The following DCAF12 variants were observed in gnomAD, a reference collection of about 807,000 sequenced individuals.
The protein encoded by DCAF12 is DDB1- and CUL4-associated factor 12.
Under a neutral mutation model 52.8 loss-of-function variants are expected in DCAF12, and 28 were observed. The observed-to-expected ratio is 0.53, with a 90% CI of 0.39 to 0.73. The LOEUF (loss-of-function observed/expected upper bound fraction) is 0.73. Ranked by LOEUF, DCAF12 falls within the 30% of genes least tolerant of loss-of-function variation. The probability of loss-of-function intolerance (pLI) is 0.00; values close to 1 mark genes in which losing one functional copy is unlikely to be tolerated. For synonymous variants in DCAF12, 196 were observed against 215.5 expected (o/e 0.91, Z 0.79); for missense variants, 425 against 552.2 (o/e 0.77, Z 2.31).
rs1308660097 is a variant in DCAF12, at chr9:34,126,479, C to A, written c.-48G>T. On this transcript the variant is annotated 5_prime_UTR_variant, in exon 1 of 9. Coordinates refer to ENST00000361264, the MANE Select transcript of DCAF12 (RefSeq NM_015397.4). ...CCGCAGCCACATGGGGCGGGGGAAG[C>A]GAAGGATAGCAGGACGGCGGGTCAT... The A allele has an allele frequency of 1.3e-6, 2 of 1,582,550 alleles. No homozygotes were observed. The highest frequency in any genetic ancestry group is 4.5e-5 in the East Asian group (2 of 44,218).
intron 2 of DCAF12, among the ~76,000 whole-genome samples, chr9:34,116,844 A>C (rs1829095188): frequency 6.6e-6 from 1 of 151,960 alleles, no homozygotes; most frequent in Admixed American, 6.6e-5. Flanking sequence ...AGCCGGGCAC[A>C]GTGACGGGTG....
At chr9:34,125,483 A>G (rs1829234439) in intron 1 of DCAF12, 1 of 644,704 alleles carries the variant, frequency 1.6e-6, no homozygotes. Context: ...CAAACTTACC[A>G]ATGTGAATTA....
intron 2 of DCAF12, among the ~76,000 whole-genome samples, chr9:34,124,565 A>T (rs1477937367): frequency 1.3e-5 from 2 of 152,216 alleles, no homozygotes; most frequent in Non-Finnish European, 2.9e-5. Context: ...CTCATATTTC[A>T]GTTTATACAT....
chr9:34,096,674 G>A (rs1420436236), intron 6 of DCAF12, 42 bp downstream of exon 6: 2 of 1,520,806 alleles, frequency 1.3e-6, no homozygotes, highest in Non-Finnish European at 1.8e-6. Context: ...TTAACTGTAA[G>A]GTGAATTATT....
intron 2 of DCAF12, among the ~76,000 whole-genome samples, chr9:34,119,429 C>T (rs1413987660): frequency 1.3e-5 from 2 of 152,168 alleles, no homozygotes; most frequent in African/African-American, 2.4e-5. Flanking sequence ...CTATTATCAG[C>T]AGAGACAGGA....
intron 6 of DCAF12, among the ~76,000 whole-genome samples, chr9:34,095,263 C>T (rs1485189511): frequency 1.3e-5 from 2 of 151,156 alleles, no homozygotes; most frequent in South Asian, 2.1e-4. Context: ...TTAGTAGAGA[C>T]GGGGTTTCGC....
rs774686751 is a variant in DCAF12, at chr9:34,126,385, G to A, written c.47C>T (p.Pro16Leu). The part of the protein sequence containing the change: ...VSRKRKAPAS[P>L]GAGSDAQGPQ... Reference sequence around the variant, plus strand: ...GCCCTGAGCGTCGCTCCCAGCTCCCGGCGAGGCGGGCGCTTTCCGCTTCCT... The same window carrying A: ...GCCCTGAGCGTCGCTCCCAGCTCCCAGCGAGGCGGGCGCTTTCCGCTTCCT... The change falls in exon 1 of 9, where the codon CCG becomes CTG. Residue 16 changes from proline to leucine, a missense_variant. This residue lies in a region of DCAF12 where 89 missense variants were observed against 84.9 expected (regional missense o/e 1.05). Transcript: ENST00000361264. 4.3e-6 allele frequency: 7 copies of A among 1,611,136 alleles called. No homozygotes were observed. In the South Asian group the frequency reaches 4.4e-5, roughly 10 times the overall value.
chr9:34,116,110 T>A (rs898755264), intron 2 of DCAF12, among the ~76,000 whole-genome samples: 2 of 152,126 alleles, frequency 1.3e-5, no homozygotes, highest in Non-Finnish European at 2.9e-5. Flanking sequence ...ACGCCTGTAA[T>A]CCTAGCACTT....
chr9:34,122,522 G>A (rs1240638547), intron 2 of DCAF12, among the ~76,000 whole-genome samples: 1 of 145,274 alleles, frequency 6.9e-6, no homozygotes, highest in African/African-American at 2.6e-5. Flanking sequence ...TGTTGCCCAG[G>A]CTGGAGTAGA....
intron 2 of DCAF12, among the ~76,000 whole-genome samples, chr9:34,113,177 G>A (rs778232487): frequency 8.6e-5 from 13 of 151,758 alleles, no homozygotes; most frequent in South Asian, 4.2e-4. Flanking sequence ...CAGCCTCGCC[G>A]AGTACCTGGG....
At chr9:34,105,168 G>A (rs940324383) in intron 4 of DCAF12, among the ~76,000 whole-genome samples, 14 of 151,920 alleles carry the variant, frequency 9.2e-5, no homozygotes, top group African/African-American at 3.4e-4. Context: ...CAGGGGAATC[G>A]CTCGAACCTG....
At chr9:34,122,189 C>A (rs1244091046) in intron 2 of DCAF12, among the ~76,000 whole-genome samples, 1 of 152,036 alleles carries the variant, frequency 6.6e-6, no homozygotes, top group Non-Finnish European at 1.5e-5. Context: ...CCCACACCAC[C>A]CCCCCAAAAT....
intron 2 of DCAF12, among the ~76,000 whole-genome samples, chr9:34,108,804 A>AAGAT (rs1410904584): frequency 8.5e-6 from 1 of 117,986 alleles, no homozygotes; most frequent in African/African-American, 3.0e-5. Context: ...AAAAAAAATA[A>AAGAT]ATAAATAAAT....
At chr9:34,102,838 G>C (rs1397150044) in intron 4 of DCAF12, among the ~76,000 whole-genome samples, 1 of 151,998 alleles carries the variant, frequency 6.6e-6, no homozygotes, top group Non-Finnish European at 1.5e-5. Flanking sequence ...CACTTTGGGA[G>C]GCTTAGGCAG....
Position 34,126,648 on chromosome 9 carries a change from A to C in DCAF12, c.-217T>G. The C allele has an allele frequency of 1.7e-6, 1 of 589,238 alleles. No individual in the cohort carries two copies. Among genetic ancestry groups the C allele is most frequent in the Non-Finnish European group, 2.9e-6 (1 of 342,864 alleles). 36.5% of individuals were successfully genotyped at this position (589,238 alleles called of 1,614,324 possible). On this transcript the variant is annotated 5_prime_UTR_variant, in exon 1 of 9. Transcript: ENST00000361264. Reference sequence around the variant, plus strand: ...CCGGGAAAGGGAAGGGGAAGCGAGAATGAGCGGCTTTCCGACGGCAGAGCC... The same window carrying C: ...CCGGGAAAGGGAAGGGGAAGCGAGACTGAGCGGCTTTCCGACGGCAGAGCC...
chr9:34,094,405 C>CA (rs911789462), intron 6 of DCAF12, among the ~76,000 whole-genome samples: 7 of 149,126 alleles, frequency 4.7e-5, no homozygotes, highest in South Asian at 2.1e-4. Context: ...GACTCTGTCT[C>CA]AAAAAAAATA....
intron 2 of DCAF12, among the ~76,000 whole-genome samples, chr9:34,122,528 G>T (rs1829191106): frequency 6.7e-6 from 1 of 148,436 alleles, no homozygotes; most frequent in African/African-American, 2.5e-5. Context: ...CCAGGCTGGA[G>T]TAGAATGGCA....
intron 4 of DCAF12, among the ~76,000 whole-genome samples, chr9:34,101,870 G>C (rs1007520212): frequency 2.6e-5 from 4 of 151,834 alleles, no homozygotes; most frequent in Non-Finnish European, 4.4e-5. Flanking sequence ...CAAAAAATTA[G>C]CCAGGCGTGG....
chr9:34,090,696 C>G (rs1828629563), intron 7 of DCAF12, among the ~76,000 whole-genome samples: 1 of 151,886 alleles, frequency 6.6e-6, no homozygotes, highest in Non-Finnish European at 1.5e-5. Flanking sequence ...GCTCTGTTGC[C>G]AAAGCTGGAG....
Sources: gnomAD v4.1 joint callset for allele counts (sites outside exome capture counted in the v4.1 genomes callset) on GRCh38, gnomAD v4.1.1 for gene constraint, gnomAD v4.1.1 regional missense constraint, MANE v1.5 for transcripts, NCBI Gene and HGNC (gene_info 2026-07-23, HGNC 2026-07-21) for gene names.